RCAN2: variants seen among roughly 807,000 people sequenced by gnomAD.
RCAN2 encodes regulator of calcineurin 2, also known as calcipressin-2.
In RCAN2, 9 loss-of-function variants were observed where a neutral mutation model predicts 23.6. The observed-to-expected ratio is 0.38, with a 90% CI of 0.23 to 0.67. The LOEUF is 0.67. Ranked by LOEUF, RCAN2 falls within the 30% of genes least tolerant of loss-of-function variation. The pLI is 0.51. For synonymous variants in RCAN2, 109 were observed against 115.7 expected (o/e 0.94, Z 0.37); for missense variants, 273 against 302.3 (o/e 0.90, Z 0.72).
At chr6:46,391,164 T>C (rs1319761569) in intron 2 of RCAN2, among the ~76,000 whole-genome samples, 1 of 152,188 alleles carries the variant, frequency 6.6e-6, no homozygotes, top group African/African-American at 2.4e-5. Context: ...TAAGTGAAAC[T>C]GGGATAATAA....
At chr6:46,448,282 C>T (rs370876416) in intron 2 of RCAN2, among the ~76,000 whole-genome samples, 4 of 151,328 alleles carry the variant, frequency 2.6e-5, no homozygotes, top group East Asian at 1.9e-4. Context: ...GACTGAATCA[C>T]GAAGAAAAAG....
intron 2 of RCAN2, among the ~76,000 whole-genome samples, chr6:46,313,209 T>C (rs1161924539): frequency 6.6e-6 from 1 of 152,192 alleles, no homozygotes; most frequent in Admixed American, 6.5e-5. Flanking sequence ...CATCCCAGAC[T>C]ACTCTCTTAC....
At chr6:46,386,302 TC>T (rs1765744258) in intron 2 of RCAN2, among the ~76,000 whole-genome samples, 2 of 151,416 alleles carry the variant, frequency 1.3e-5, no homozygotes, top group Admixed American at 1.3e-4. Flanking sequence ...GAAATGCAAA[TC>T]AAAACCACAA....
chr6:46,424,903 T>C (rs1159942685), intron 2 of RCAN2, among the ~76,000 whole-genome samples: 2 of 152,224 alleles, frequency 1.3e-5, no homozygotes, highest in Non-Finnish European at 2.9e-5. Flanking sequence ...TGCTAGATAC[T>C]GTTATAAGCC....
intron 2 of RCAN2, among the ~76,000 whole-genome samples, chr6:46,386,741 GA>G (rs1210302272): frequency 6.6e-6 from 1 of 152,092 alleles, no homozygotes; most frequent in South Asian, 2.1e-4. Context: ...CACAGAATTG[GA>G]AAAAACTATT....
intron 1 of RCAN2, among the ~76,000 whole-genome samples, chr6:46,466,755 G>A (rs1768398412): frequency 6.6e-6 from 1 of 151,754 alleles, no homozygotes. Context: ...CCTCATCAAC[G>A]CTGAAAAAAA....
intron 2 of RCAN2, among the ~76,000 whole-genome samples, chr6:46,452,257 T>C (rs1767902558): frequency 6.6e-6 from 1 of 152,186 alleles, no homozygotes; most frequent in Non-Finnish European, 1.5e-5. Context: ...GAAAAGTCTC[T>C]GCTCTCTAGT....
intron 2 of RCAN2, among the ~76,000 whole-genome samples, chr6:46,347,979 T>C (rs1764538299): frequency 6.6e-6 from 1 of 152,222 alleles, no homozygotes; most frequent in South Asian, 2.1e-4. Context: ...AGACCTTTTA[T>C]TGTTCAAAGT....
At chr6:46,481,511 A>T (rs1465785675) in intron 1 of RCAN2, among the ~76,000 whole-genome samples, 1 of 152,208 alleles carries the variant, frequency 6.6e-6, no homozygotes, top group African/African-American at 2.4e-5. Flanking sequence ...GGTTCTCATT[A>T]GTAAAATAAT....
chr6:46,403,629 T>C (rs984889742), intron 2 of RCAN2, among the ~76,000 whole-genome samples: 1 of 151,738 alleles, frequency 6.6e-6, no homozygotes, highest in African/African-American at 2.4e-5. Context: ...TTCTTGATCC[T>C]GGATCTTCAG....
At chr6:46,368,360 G>A (rs1328422712) in intron 2 of RCAN2, among the ~76,000 whole-genome samples, 1 of 152,144 alleles carries the variant, frequency 6.6e-6, no homozygotes, top group Non-Finnish European at 1.5e-5. Context: ...TGGATGCTGA[G>A]CTTTCAAGCT....
intron 2 of RCAN2, among the ~76,000 whole-genome samples, chr6:46,381,445 T>C (rs1765615098): frequency 6.6e-6 from 1 of 152,174 alleles, no homozygotes; most frequent in African/African-American, 2.4e-5. Flanking sequence ...TGTGACAATA[T>C]ACAAATCTAC....
At chr6:46,392,607 C>G (rs540359824) in intron 2 of RCAN2, among the ~76,000 whole-genome samples, 1 of 152,270 alleles carries the variant, frequency 6.6e-6, no homozygotes, top group Admixed American at 6.5e-5. Context: ...AAGGATGGAA[C>G]TGTACCTGGT....
chr6:46,345,766 C>G (rs6915191), intron 2 of RCAN2, among the ~76,000 whole-genome samples: 133,912 of 152,172 alleles, frequency 0.88, 59,031 homozygotes, highest in East Asian at 0.89. Flanking sequence ...AAATCAAGTT[C>G]TTTCCAAATT....
intron 2 of RCAN2, among the ~76,000 whole-genome samples, chr6:46,304,205 C>T (rs1183753741): frequency 6.6e-6 from 1 of 151,992 alleles, no homozygotes; most frequent in Non-Finnish European, 1.5e-5. Context: ...ATAGTTCTTG[C>T]CATTTGGATA....
chr6:46,464,951 T>C (rs1768330421), intron 1 of RCAN2, among the ~76,000 whole-genome samples: 1 of 152,112 alleles, frequency 6.6e-6, no homozygotes, highest in African/African-American at 2.4e-5. Context: ...ATCATGTCCT[T>C]TTGCACTGGA....
At chr6:46,235,490 T>A (rs114017151) in intron 4 of RCAN2, among the ~76,000 whole-genome samples, 66 of 152,338 alleles carry the variant, frequency 4.3e-4, no homozygotes, top group African/African-American at 1.4e-3. Flanking sequence ...TATCCAGGCC[T>A]GATCTCACAC....
chr6:46,417,572 A>G (rs1766748034), intron 2 of RCAN2, among the ~76,000 whole-genome samples: 1 of 152,168 alleles, frequency 6.6e-6, no homozygotes, highest in Admixed American at 6.5e-5. Flanking sequence ...GAATCCCTCT[A>G]TCATTCAGTT....
At chr6:46,397,706 T>C (rs946868359) in intron 2 of RCAN2, among the ~76,000 whole-genome samples, 3 of 152,182 alleles carry the variant, frequency 2.0e-5, no homozygotes, top group Non-Finnish European at 2.9e-5. Context: ...ACACTTTTCA[T>C]TTTATTAGTC....
Sources: gnomAD v4.1 joint callset for allele counts (sites outside exome capture counted in the v4.1 genomes callset) on GRCh38, gnomAD v4.1.1 for gene constraint, MANE v1.5 for transcripts, NCBI Gene and HGNC (gene_info 2026-07-23, HGNC 2026-07-21) for gene names.